Variants in GCH1 observed in about 807,000 individuals in gnomAD.
GCH1 encodes the protein GTP cyclohydrolase I.
Under a neutral mutation model 25.9 loss-of-function variants are expected in GCH1, and 5 were observed. The ratio of observed to expected loss-of-function variants is 0.19; its 90% CI spans 0.10 to 0.41. The LOEUF is 0.41. Among genes scored for constraint, GCH1 ranks in the 10% least tolerant of loss-of-function variants. The probability of loss-of-function intolerance (pLI) is 1.00; values close to 1 mark genes in which losing one functional copy is unlikely to be tolerated. For missense variants in GCH1, 261 were observed against 336.5 expected, an observed-to-expected ratio of 0.78 and a Z score of 1.75; for synonymous variants, 159 against 129.6, an observed-to-expected ratio of 1.23 and a Z score of -1.54.
At chr14:54,847,319 G>A (rs896742327) in intron 3 of GCH1, among the ~76,000 whole-genome samples, 189 bp from the exon 4 acceptor site, 21 of 152,208 alleles carry the variant, frequency 1.4e-4, no homozygotes, top group Non-Finnish European at 2.6e-4. Context: ...TGATTGGATT[G>A]AAGGATGCAA....
intron 1 of GCH1, among the ~76,000 whole-genome samples, chr14:54,870,739 C>G (rs946204267): frequency 2.0e-5 from 3 of 152,206 alleles, no homozygotes; most frequent in African/African-American, 4.8e-5. Context: ...TCCCACAGAT[C>G]CTCGCTCATT....
chr14:54,870,737 A>T (rs2040061051), intron 1 of GCH1, among the ~76,000 whole-genome samples: 1 of 152,200 alleles, frequency 6.6e-6, no homozygotes, highest in Admixed American at 6.5e-5. Flanking sequence ...ACTCCCACAG[A>T]TCCTCGCTCA....
chr14:54,902,588 C>A lies in GCH1; in HGVS notation c.76G>T (p.Asp26Tyr). The change falls in exon 1 of 6, where the codon GAT becomes TAT. Residue 26 changes from aspartate (D) to tyrosine (Y), a missense_variant. By Grantham distance (160) the Asp-to-Tyr change is radical. Transcript: ENST00000491895. ...CTGCTGGGCCCGGGCCGCGGCGGAT[C>A]CCGCTCGGGGAACCCATTGCTGCAC... is the stretch of plus-strand genomic sequence containing the variant. Reference protein sequence around the residue: ...ARCSNGFPERDPPRPGPSRPA... With the variant: ...ARCSNGFPERYPPRPGPSRPA... The A allele has an allele frequency of 2.0e-6, 3 of 1,495,916 alleles. No individual in the cohort carries two copies. The highest frequency in any genetic ancestry group is 2.7e-6 in the Non-Finnish European group (3 of 1,124,918). The allele number at this position is 1,495,916 out of a possible 1,614,324, so 92.7% of individuals were successfully genotyped here.
At chr14:54,892,194 G>A (rs2040432346) in intron 1 of GCH1, among the ~76,000 whole-genome samples, 1 of 152,196 alleles carries the variant, frequency 6.6e-6, no homozygotes. Flanking sequence ...GAAAAGGCAT[G>A]AAATTTGTGG....
intron 1 of GCH1, among the ~76,000 whole-genome samples, chr14:54,901,718 TTGTGCCGAATTTTGTA>T (rs1245086973): frequency 6.6e-6 from 1 of 152,004 alleles, no homozygotes; most frequent in Non-Finnish European, 1.5e-5. Context: ...GTGCCCAAAA[TTGTGCCGAATTTTGTA>T]AATGTCCTGA....
At chr14:54,889,533 T>C (rs1022121275) in intron 1 of GCH1, among the ~76,000 whole-genome samples, 2 of 152,166 alleles carry the variant, frequency 1.3e-5, no homozygotes, top group African/African-American at 2.4e-5. Context: ...TCACAAACAT[T>C]TGGACCAACT....
At position 54,865,345 on chromosome 14, in the gene GCH1, C is replaced by T. The variant is rs763677193; in HGVS notation, c.435G>A (p.Leu145=). The T allele has an allele frequency of 1.8e-5, 28 of 1,522,548 alleles. No homozygotes were observed. Among genetic ancestry groups the T allele is most frequent in the Non-Finnish European group, 2.6e-5 (28 of 1,097,022 alleles). The allele number at this position is 1,522,548 out of a possible 1,614,324, so 94.3% of individuals were successfully genotyped here. A position where few individuals can be genotyped will look rare whatever the true frequency, so the allele number is the denominator to read the frequency against. ...IDMFSMCEHH[L]VPFVGKVHIG... ...ACCTTACCTTTCCAACAAATGGAAC[C>T]AAGTGATGCTCACACATGGAAAACA... The change falls in exon 2 of 6, where the codon TTG becomes TTA. Residue 145 remains leucine, a synonymous_variant. Coordinates refer to ENST00000491895, the MANE Select transcript of GCH1 (RefSeq NM_000161.3).
intron 1 of GCH1, among the ~76,000 whole-genome samples, chr14:54,892,163 G>A (rs1403117247): frequency 6.6e-6 from 1 of 152,118 alleles, no homozygotes. Context: ...CACAGCACAT[G>A]GTAAGTGCTT....
chr14:54,901,526 C>T (rs564102254), intron 1 of GCH1, among the ~76,000 whole-genome samples: 2 of 149,134 alleles, frequency 1.3e-5, no homozygotes, highest in Non-Finnish European at 1.5e-5. Context: ...AGCACCGGGT[C>T]AACCCGGCTT....
intron 1 of GCH1, among the ~76,000 whole-genome samples, chr14:54,873,796 A>G (rs1162596503): frequency 6.6e-6 from 1 of 152,224 alleles, no homozygotes; most frequent in Non-Finnish European, 1.5e-5. Flanking sequence ...CTAAACGAGG[A>G]AGAAGTTCAA....
At chr14:54,880,137 T>C (rs943690739) in intron 1 of GCH1, among the ~76,000 whole-genome samples, 2 of 137,498 alleles carry the variant, frequency 1.5e-5, no homozygotes, top group East Asian at 4.9e-4. Context: ...CAAGACTCCA[T>C]CTCAAAAAAA....
intron 1 of GCH1, among the ~76,000 whole-genome samples, chr14:54,881,405 T>G (rs1162792719): frequency 5.9e-5 from 9 of 152,124 alleles, no homozygotes; most frequent in Admixed American, 5.2e-4. Context: ...ACCACCTGTT[T>G]GAAAAATTTG....
At chr14:54,899,185 G>C (rs1313644537) in intron 1 of GCH1, among the ~76,000 whole-genome samples, 1 of 152,168 alleles carries the variant, frequency 6.6e-6, no homozygotes, top group Non-Finnish European at 1.5e-5. Flanking sequence ...AATGGGCTGG[G>C]TATGGTGGCT....
chr14:54,846,623 T>A (rs1207109607), intron 4 of GCH1, among the ~76,000 whole-genome samples: 1 of 152,192 alleles, frequency 6.6e-6, no homozygotes, highest in Non-Finnish European at 1.5e-5. Flanking sequence ...TGCATGAAAA[T>A]GTGAAGGAAT....
At position 54,881,711 on chromosome 14, in the gene GCH1, T is replaced by C. The variant is rs143104721; in HGVS notation, c.344-16275A>G. On this transcript the variant is annotated intron_variant, in intron 1 of 5. Transcript: ENST00000491895. Reference sequence around the variant, plus strand: ...TGCTCCACAAACTTATTTCATAAACTGTAGGTTTGTCAGCAGGAAAGACCT... The same window carrying C: ...TGCTCCACAAACTTATTTCATAAACCGTAGGTTTGTCAGCAGGAAAGACCT... Among the ~76,000 whole-genome samples, 28 of 152,322 alleles carry C rather than the reference T, an allele frequency of 1.8e-4. No homozygotes were observed. In the East Asian group the frequency reaches 5.4e-3, roughly 29 times the overall value.
At chr14:54,872,085 G>C (rs1223849757) in intron 1 of GCH1, among the ~76,000 whole-genome samples, 4 of 152,124 alleles carry the variant, frequency 2.6e-5, no homozygotes, top group African/African-American at 7.2e-5. Flanking sequence ...AAATGTTAAG[G>C]GCAGCCAGAG....
chr14:54,879,026 C>T (rs2040203583), intron 1 of GCH1, among the ~76,000 whole-genome samples: 1 of 152,110 alleles, frequency 6.6e-6, no homozygotes, highest in Non-Finnish European at 1.5e-5. Context: ...TCCCAAAGTG[C>T]TCGAATTACA....
At chr14:54,875,491 A>C (rs1405143231) in intron 1 of GCH1, among the ~76,000 whole-genome samples, 5 of 152,242 alleles carry the variant, frequency 3.3e-5, no homozygotes, top group Non-Finnish European at 7.3e-5. Context: ...ATTAAACTAA[A>C]GAGCTTCTGC....
chr14:54,847,151 TTA>T (rs780084717), intron 3 of GCH1, 21 bp from the exon 4 acceptor site: 1 of 932,568 alleles, frequency 1.1e-6, no homozygotes, highest in Non-Finnish European at 1.7e-6. Context: ...AAGAATTGTT[TTA>T]GTTAATCACA....
Sources: gnomAD v4.1 joint callset for allele counts (sites outside exome capture counted in the v4.1 genomes callset) on GRCh38, gnomAD v4.1.1 for gene constraint, MANE v1.5 for transcripts, NCBI Gene and HGNC (gene_info 2026-07-23, HGNC 2026-07-21) for gene names.